PRRC2B: variants seen among roughly 807,000 people sequenced by gnomAD.
PRRC2B encodes the protein proline rich coiled-coil 2B, also known as protein PRRC2B.
Under a neutral mutation model 242.3 loss-of-function variants are expected in PRRC2B, and 68 were observed. The observed-to-expected ratio is 0.28, with a 90% CI of 0.23 to 0.34. PRRC2B has a LOEUF of 0.34. Ranked by LOEUF, PRRC2B falls within the 10% of genes least tolerant of loss-of-function variation. The probability of loss-of-function intolerance (pLI) is 1.00; values close to 1 mark genes in which losing one functional copy is unlikely to be tolerated. For missense variants in PRRC2B, 2,835 were observed against 2,954.8 expected, an observed-to-expected ratio of 0.96 and a Z score of 0.94; for synonymous variants, 1,228 against 1,173.6, an observed-to-expected ratio of 1.05 and a Z score of -0.95.
chr9:131,439,599 C>T (rs905279153), intron 5 of PRRC2B, among the ~76,000 whole-genome samples: 1 of 152,206 alleles, frequency 6.6e-6, no homozygotes, highest in Non-Finnish European at 1.5e-5. Context: ...GCACATCCTT[C>T]GTTACCTGAA....
At chr9:131,392,524 T>C (rs1269714329), upstream of PRRC2B, among the ~76,000 whole-genome samples, 1 of 152,196 alleles carries the variant, frequency 6.6e-6, no homozygotes, top group Non-Finnish European at 1.5e-5. Flanking sequence ...TTCCTGAAGA[T>C]GGTCAAGGAA....
At chr9:131,399,778 A>G (rs1837178360) in intron 1 of PRRC2B, among the ~76,000 whole-genome samples, 1 of 152,136 alleles carries the variant, frequency 6.6e-6, no homozygotes, top group Non-Finnish European at 1.5e-5. Flanking sequence ...TTTTAATGTT[A>G]TAGTGTATTC....
In PRRC2B at chr9:131,477,899, G is replaced by C. The variant is rs1378699209; in HGVS notation, c.4562G>C (p.Arg1521Thr). The C allele has an allele frequency of 3.1e-6, 5 of 1,613,940 alleles. No individual in the cohort carries two copies. Among genetic ancestry groups the C allele is most frequent in the Non-Finnish European group, 4.2e-6 (5 of 1,179,906 alleles). The change falls in exon 17 of 32, where the codon AGG becomes ACG. Residue 1521 changes from arginine to threonine, a missense_variant. Transcript: ENST00000683519. ...AEKEAKLAAP[R>T]AGEQGEAMKQ... is the part of the protein sequence containing the mutation. ...AAGGAGGCCAAGTTGGCTGCTCCGA[G>C]GGCAGGTGAACAGGGAGAGGCCATG...
rs1438959987 is a variant in PRRC2B at position 131,475,294 on chromosome 9, G to A, written c.3165G>A (p.Glu1055=). 1 of 1,610,038 alleles carries A rather than the reference G, an allele frequency of 6.2e-7. No homozygotes were observed. The highest frequency in any genetic ancestry group is 8.5e-7 in the Non-Finnish European group (1 of 1,178,504). ...ATAACTGGATCTTTATTGATGAGGAGCAAGCCTTTGGGGTCAGAGGACAGG... is the reference window on the plus strand; with the variant it reads ...ATAACTGGATCTTTATTGATGAGGAACAAGCCTTTGGGGTCAGAGGACAGG... ...KRNNWIFIDE[E]QAFGVRGQAR... The change falls in exon 16 of 32, where the codon GAG becomes GAA. Residue 1055 remains glutamate (E), a synonymous_variant. Coordinates refer to ENST00000683519, the MANE Select transcript of PRRC2B (RefSeq NM_013318.4).
At chr9:131,472,859 T>G (rs1057054290) in intron 14 of PRRC2B, among the ~76,000 whole-genome samples, 4 of 152,192 alleles carry the variant, frequency 2.6e-5, no homozygotes, top group African/African-American at 9.7e-5. Context: ...CTGTGCCTTT[T>G]CTTCTAATTC....
chr9:131,421,968 T>C (rs1220343149), intron 1 of PRRC2B, among the ~76,000 whole-genome samples: 2 of 151,912 alleles, frequency 1.3e-5, no homozygotes, highest in African/African-American at 4.8e-5. Context: ...TGGCGTCCAG[T>C]GCAGCCTGGG....
Position 131,474,919 on chromosome 9 carries a change from G to A in PRRC2B, c.2790G>A (p.Pro930=), listed in dbSNP as rs201375989. 1.7e-4 allele frequency: 269 copies of A among 1,594,486 alleles called. 1 individual carries two copies. The African/African-American group carries it at 2.2e-3, about 13-fold the overall frequency. The change falls in exon 16 of 32, where the codon CCG becomes CCA. Residue 930 remains proline (P), a synonymous_variant. Coordinates refer to ENST00000683519, the MANE Select transcript of PRRC2B (RefSeq NM_013318.4). ...CCCGGAGCTCCAGCAGCCAGCACCC[G>A]GAGCAGACGGGCAGGACCCGGAGGT... ...PEPRSSSSQH[P]EQTGRTRRSG...
chr9:131,477,668 T>C, intron 16 of PRRC2B, 76 bp from the exon 17 acceptor site: 1 of 867,218 alleles, frequency 1.2e-6, no homozygotes, highest in Non-Finnish European at 1.8e-6. Context: ...GCCGGGCTTG[T>C]GTGCAGGCTG....
intron 1 of PRRC2B, among the ~76,000 whole-genome samples, chr9:131,382,670 C>A (rs1836776309): frequency 6.7e-6 from 1 of 149,598 alleles, no homozygotes; most frequent in Non-Finnish European, 1.5e-5. Context: ...CAGAGTCTTG[C>A]TCTGTTGCCT....
upstream of PRRC2B, among the ~76,000 whole-genome samples, chr9:131,389,711 C>T (rs1047485327): frequency 1.3e-5 from 2 of 149,756 alleles, no homozygotes; most frequent in African/African-American, 4.9e-5. Context: ...ATTTTGGCCT[C>T]AGTTGTCCAG....
intron 25 of PRRC2B, among the ~76,000 whole-genome samples, chr9:131,485,386 C>T (rs987942129): frequency 6.6e-5 from 10 of 152,146 alleles, no homozygotes; most frequent in Non-Finnish European, 1.2e-4. Context: ...GTGACAGGAG[C>T]GAGCAAAGGC....
At position 131,476,374 on chromosome 9, in the gene PRRC2B, G is replaced by A. The variant is rs1943700401; in HGVS notation, c.4245G>A (p.Glu1415=). ...GGGCTAGTTTGGGTGAGAAGAAGGA[G>A]CTGGCCAAGAGGAGCTTCTCCAGTC... ...LSGASLGEKK[E]LAKRSFSSQR... The change falls in exon 16 of 32, where the codon GAG becomes GAA. Residue 1415 remains glutamate (E), a synonymous_variant. Transcript: ENST00000683519. 1.2e-6 allele frequency: 2 copies of A among 1,600,502 alleles called. No individual in the cohort carries two copies. The highest frequency in any genetic ancestry group is 8.5e-7 in the Non-Finnish European group (1 of 1,173,510).
In PRRC2B at chr9:131,484,995, G is replaced by C. The variant is rs570713404; in HGVS notation, c.5613G>C (p.Glu1871Asp). 1.9e-6 allele frequency: 3 copies of C among 1,613,458 alleles called. No homozygotes were observed. Among genetic ancestry groups the C allele is most frequent in the African/African-American group, 1.3e-5 (1 of 74,916 alleles). Reference protein sequence around the residue: ...KAWENSPSLPEQSSPGGAGSG... With the variant: ...KAWENSPSLPDQSSPGGAGSG... The stretch of plus-strand genomic sequence containing the variant: ...GGGAAAACTCCCCCAGTTTGCCGGA[G>C]CAGAGCTCTCCAGGCGGCGCTGGCT... The change falls in exon 25 of 32, where the codon GAG (glutamate) becomes GAC (aspartate). Residue 1871 changes from glutamate (E) to aspartate (D), a missense_variant. Physicochemically the swap from Glu to Asp is conservative, Grantham distance 45 (BLOSUM62 2). This residue lies in a region of PRRC2B where 574 missense variants were observed against 626.0 expected (regional missense o/e 0.92). Transcript: ENST00000683519.
At chr9:131,375,461 T>G (rs1836672346) in intron 1 of PRRC2B, among the ~76,000 whole-genome samples, 1 of 152,040 alleles carries the variant, frequency 6.6e-6, no homozygotes, top group African/African-American at 2.4e-5. Flanking sequence ...AGGGTTTTTG[T>G]GAGGATTGAA....
intron 1 of PRRC2B, among the ~76,000 whole-genome samples, chr9:131,385,915 A>C (rs1312006425): frequency 6.7e-6 from 1 of 150,070 alleles, no homozygotes; most frequent in African/African-American, 2.4e-5. Flanking sequence ...GGATGGTCTC[A>C]ATCTCCTGAC....
At chr9:131,410,545 A>C (rs1588240060) in intron 1 of PRRC2B, among the ~76,000 whole-genome samples, 1 of 152,222 alleles carries the variant, frequency 6.6e-6, no homozygotes, top group Non-Finnish European at 1.5e-5. Flanking sequence ...TGGATGTCAC[A>C]TCACCCCGGG....
chr9:131,448,560 A>AACAAAAAAAAAAAC (rs1564287317), intron 9 of PRRC2B, among the ~76,000 whole-genome samples: 19 of 135,224 alleles, frequency 1.4e-4, no homozygotes, highest in Non-Finnish European at 2.2e-4. Flanking sequence ...AAAAAAAAAA[A>AACAAAAAAAAAAAC]AAAAAAAAAA....
rs188649962 is a variant in PRRC2B at position 131,416,551 on chromosome 9, C to T, written c.-51-13543C>T. ...CAGTATATTTGTCACAACTAATGAA[C>T]CAGTATTGATACATTATTATTGACT... On this transcript the variant is annotated intron_variant, in intron 1 of 31. Transcript: ENST00000683519. Among the ~76,000 whole-genome samples the T allele has an allele frequency of 5.1e-3, 782 of 152,252 alleles. 5 individuals are homozygous for T. The highest frequency in any genetic ancestry group is 0.018 in the South Asian group (87 of 4,818).
chr9:131,470,599 C>T (rs1265452365), intron 13 of PRRC2B, among the ~76,000 whole-genome samples, 189 bp from the exon 14 acceptor site: 3 of 152,040 alleles, frequency 2.0e-5, no homozygotes, highest in South Asian at 2.1e-4. Flanking sequence ...TGGACAGGGA[C>T]CTGAGCTTGC....
Sources: gnomAD v4.1 joint callset for allele counts (sites outside exome capture counted in the v4.1 genomes callset) on GRCh38, gnomAD v4.1.1 for gene constraint, gnomAD v4.1.1 regional missense constraint, MANE v1.5 for transcripts, NCBI Gene and HGNC (gene_info 2026-07-23, HGNC 2026-07-21) for gene names.